CHN2: variants seen among roughly 807,000 people sequenced by gnomAD.
The protein encoded by CHN2 is chimerin 2, also known as beta-chimaerin.
A neutral mutation model predicts 56.3 loss-of-function variants in CHN2; 35 were observed. That is an observed-to-expected ratio of 0.62 (90% CI 0.47 to 0.82). The LOEUF (loss-of-function observed/expected upper bound fraction) is 0.82. Among genes scored for constraint, CHN2 ranks in the 40% least tolerant of loss-of-function variants. The pLI, the probability that CHN2 is intolerant of heterozygous loss-of-function variation, is 0.00. For synonymous variants in CHN2, 210 were observed against 212.8 expected (o/e 0.99, Z 0.12); for missense variants, 491 against 580.5 (o/e 0.85, Z 1.58).
intron 1 of CHN2, 61 bp downstream of exon 1, chr7:29,195,051 C>G (rs1290907993): frequency 7.2e-6 from 11 of 1,532,002 alleles, no homozygotes; most frequent in Non-Finnish European, 7.9e-6. Flanking sequence ...GCCCTCGCCC[C>G]GCAGCCTGGG....
Position 29,472,301 on chromosome 7 carries a change from A to ACACACACACACACACG in CHN2, c.577-7968_577-7967insCACACGCACACACACA, listed in dbSNP as rs771423211. Among the ~76,000 whole-genome samples, 144 of 146,978 alleles carry ACACACACACACACACG rather than the reference A, an allele frequency of 9.8e-4. 1 individual carries two copies. The highest frequency in any genetic ancestry group is 1.7e-3 in the Non-Finnish European group (116 of 66,802). ...CACACACACACACACACACACACGC[A>ACACACACACACACACG]CACACACACATTAGACACAGAAATA... On this transcript the variant is annotated intron_variant, in intron 6 of 12. Coordinates refer to ENST00000222792, the MANE Select transcript of CHN2 (RefSeq NM_004067.4).
intron 6 of CHN2, among the ~76,000 whole-genome samples, chr7:29,450,034 G>A (rs542870259): frequency 6.6e-6 from 1 of 152,274 alleles, no homozygotes; most frequent in South Asian, 2.1e-4. Flanking sequence ...TAGGGGATGT[G>A]GTACAGGTTT....
At chr7:29,346,967 C>T (rs1244077589) in intron 1 of CHN2, among the ~76,000 whole-genome samples, 2 of 152,148 alleles carry the variant, frequency 1.3e-5, no homozygotes, top group African/African-American at 4.8e-5. Flanking sequence ...GCCATCCAAA[C>T]GTGTGGATTC....
chr7:29,202,085 G>A (rs1398341719), intron 1 of CHN2, among the ~76,000 whole-genome samples: 1 of 152,124 alleles, frequency 6.6e-6, no homozygotes, highest in East Asian at 1.9e-4. Context: ...AACCCACAGT[G>A]AGTTCTGATT....
At chr7:29,355,772 A>ATT (rs1167339692) in intron 2 of CHN2, among the ~76,000 whole-genome samples, 1,441 of 52,408 alleles carry the variant, frequency 0.027, 296 homozygotes, top group African/African-American at 0.051. Context: ...AGATGGGACT[A>ATT]TTTTTTTTTT....
chr7:29,461,423 AG>A (rs1785156215), intron 6 of CHN2, among the ~76,000 whole-genome samples: 1 of 152,228 alleles, frequency 6.6e-6, no homozygotes, highest in East Asian at 1.9e-4. Context: ...AAGTTGTTAG[AG>A]TAATGGTCCC....
intron 6 of CHN2, among the ~76,000 whole-genome samples, chr7:29,429,286 G>C (rs761878471): frequency 1.3e-4 from 20 of 152,176 alleles, no homozygotes; most frequent in Non-Finnish European, 2.5e-4. Context: ...AAATAGCTAT[G>C]CATTTAACCA....
intron 7 of CHN2, among the ~76,000 whole-genome samples, chr7:29,488,941 G>A (rs1585591572): frequency 6.6e-6 from 1 of 152,070 alleles, no homozygotes; most frequent in Admixed American, 6.5e-5. Context: ...TGTCATAAAC[G>A]GTACTTTTCC....
chr7:29,242,822 C>CTATGAGGA (rs1190693261), intron 1 of CHN2, among the ~76,000 whole-genome samples: 1 of 133,198 alleles, frequency 7.5e-6, no homozygotes, highest in African/African-American at 2.8e-5. Context: ...GATGACATTT[C>CTATGAGGA]TATGAGGAAA....
chr7:29,467,193 T>C (rs1333309524), intron 6 of CHN2, among the ~76,000 whole-genome samples: 3 of 152,222 alleles, frequency 2.0e-5, no homozygotes, highest in African/African-American at 2.4e-5. Flanking sequence ...ATAAACCATC[T>C]CCTTAGGATA....
chr7:29,376,704 A>T (rs763182889), intron 3 of CHN2, among the ~76,000 whole-genome samples: 28 of 152,202 alleles, frequency 1.8e-4, no homozygotes, highest in Non-Finnish European at 2.9e-4. Context: ...TTTGCTCAGC[A>T]CTTGTGCTAG....
chr7:29,194,295 G>C (rs1178783234), upstream of CHN2: 1 of 146,990 alleles, frequency 6.8e-6, no homozygotes, highest in Non-Finnish European at 1.5e-5. Flanking sequence ...CCGGGGACCC[G>C]GTCCCCCGTC....
chr7:29,270,492 T>TAAA (rs869244337), intron 1 of CHN2, among the ~76,000 whole-genome samples: 2,616 of 105,308 alleles, frequency 0.025, 68 homozygotes, highest in Middle Eastern at 0.054. Context: ...CCATCTCTAC[T>TAAA]AAAAAAAAAA....
chr7:29,182,903 T>G lies in CHN2; in HGVS notation c.274+35943T>G, dbSNP rs561624986. Among the ~76,000 whole-genome samples the G allele has an allele frequency of 7.9e-5, 12 of 152,272 alleles. No homozygotes were observed. The South Asian group carries it at 2.5e-3, about 32-fold the overall frequency. ...TGACAGCCTGCTGCCTTTAAATGGC[T>G]TGAGAATCCAGAACAAAGATAAACA... On this transcript the variant is annotated intron_variant, in intron 2 of 6. Coordinates refer to the CHN2 transcript ENST00000439384.
At chr7:29,451,373 G>T (rs767428647) in intron 6 of CHN2, among the ~76,000 whole-genome samples, 2 of 152,118 alleles carry the variant, frequency 1.3e-5, no homozygotes, top group Non-Finnish European at 2.9e-5. Context: ...ATTAAGCGTG[G>T]TGCACAGACA....
intron 6 of CHN2, chr7:29,445,191 C>G (rs1165685223): frequency 4.4e-6 from 2 of 455,484 alleles, no homozygotes; most frequent in African/African-American, 4.0e-5. Context: ...GAGCCCAGAC[C>G]CACAGAATAA....
intron 1 of CHN2, among the ~76,000 whole-genome samples, chr7:29,242,318 T>C (rs1330781519): frequency 6.6e-6 from 1 of 152,276 alleles, no homozygotes; most frequent in East Asian, 1.9e-4. Flanking sequence ...TATAAAACTA[T>C]CTCTCTGGCG....
At chr7:29,281,141 T>G (rs1791678726) in intron 1 of CHN2, among the ~76,000 whole-genome samples, 1 of 152,148 alleles carries the variant, frequency 6.6e-6, no homozygotes, top group Non-Finnish European at 1.5e-5. Flanking sequence ...TAGTGAAAAG[T>G]CTCCCTTGTG....
Position 29,264,278 on chromosome 7 carries a change from C to A in CHN2, c.49+69288C>A, listed in dbSNP as rs531881359. Among the ~76,000 whole-genome samples the A allele has an allele frequency of 4.0e-5, 6 of 151,790 alleles. No homozygotes were observed. The East Asian group carries it at 7.8e-4, about 20-fold the overall frequency. ...GCAGCCCCGTCTGGGAAGTGAGGAGCCCCTCTGCCCGGCCGTAACCCCGTC... is the reference window on the plus strand; with the variant it reads ...GCAGCCCCGTCTGGGAAGTGAGGAGACCCTCTGCCCGGCCGTAACCCCGTC... On this transcript the variant is annotated intron_variant, in intron 1 of 12. Transcript: ENST00000222792.
Sources: gnomAD v4.1 joint callset for allele counts (sites outside exome capture counted in the v4.1 genomes callset) on GRCh38, gnomAD v4.1.1 for gene constraint, MANE v1.5 for transcripts, NCBI Gene and HGNC (gene_info 2026-07-23, HGNC 2026-07-21) for gene names.